The following RAP2A variants were observed in gnomAD, a reference collection of about 807,000 sequenced individuals.
The protein encoded by RAP2A is RAP2A, member of RAS oncogene family, also known as ras-related protein Rap-2a.
RAP2A carries 5 observed loss-of-function variants against 15.1 expected under a neutral mutation model. That is an observed-to-expected ratio of 0.33 (90% CI 0.17 to 0.70). RAP2A has a LOEUF of 0.70. Among genes scored for constraint, RAP2A ranks in the 30% least tolerant of loss-of-function variants. The probability of loss-of-function intolerance (pLI) is 0.68; values close to 1 mark genes in which losing one functional copy is unlikely to be tolerated. For synonymous variants in RAP2A, 110 were observed against 99.7 expected (o/e 1.10, Z -0.62); for missense variants, 111 against 240.3 (o/e 0.46, Z 3.56).
rs2066761724 is a variant in RAP2A at position 97,464,496 on chromosome 13, A to G, written c.*54A>G. On this transcript the variant is annotated 3_prime_UTR_variant, in exon 2 of 2. Transcript: ENST00000245304. The stretch of plus-strand genomic sequence containing the variant: ...TTTGCCCAATGTCGTAGGTGATAGA[A>G]AACTCGCCTACTCCACTGCAGAACT... 6.6e-6 allele frequency: 10 copies of G among 1,518,306 alleles called. No homozygotes were observed. In the East Asian group the frequency reaches 2.3e-4, roughly 34 times the overall value. The allele number at this position is 1,518,306 out of a possible 1,614,324, so 94.1% of individuals were successfully genotyped here.
At chr13:97,443,074 G>A (rs759673598) in intron 1 of RAP2A, among the ~76,000 whole-genome samples, 4 of 152,112 alleles carry the variant, frequency 2.6e-5, no homozygotes, top group Non-Finnish European at 5.9e-5. Context: ...ACATGAGTGC[G>A]GGATTATCTA....
intron 1 of RAP2A, among the ~76,000 whole-genome samples, chr13:97,439,894 TG>T (rs1566471304): frequency 6.6e-6 from 1 of 152,164 alleles, no homozygotes; most frequent in Non-Finnish European, 1.5e-5. Context: ...GTGAGTAAGT[TG>T]TTTTTTTTTA....
intron 1 of RAP2A, among the ~76,000 whole-genome samples, chr13:97,447,979 T>C (rs891725096): frequency 1.3e-5 from 2 of 152,096 alleles, no homozygotes; most frequent in Admixed American, 6.5e-5. Flanking sequence ...GGGTTTTTTT[T>C]TTTTTTCTTT....
chr13:97,456,415 T>C (rs954853802), intron 1 of RAP2A, among the ~76,000 whole-genome samples: 32 of 152,196 alleles, frequency 2.1e-4, no homozygotes, highest in Admixed American at 2.6e-4. Context: ...TGTCCTGAGT[T>C]TTTATTTGTA....
At chr13:97,441,968 CCATTT>C (rs553625803) in intron 1 of RAP2A, 204 of 199,476 alleles carry the variant, frequency 1.0e-3, no homozygotes, top group Middle Eastern at 9.6e-3. Flanking sequence ...TTATATATTG[CCATTT>C]CATTTGTTAC....
intron 1 of RAP2A, among the ~76,000 whole-genome samples, chr13:97,452,530 A>G (rs1344748313): frequency 6.6e-6 from 1 of 151,140 alleles, no homozygotes; most frequent in Non-Finnish European, 1.5e-5. Context: ...TATAGTAAGT[A>G]TTGATATCTG....
intron 1 of RAP2A, chr13:97,436,034 A>T (rs1425521838): frequency 1.3e-5 from 2 of 152,248 alleles, no homozygotes; most frequent in African/African-American, 4.8e-5. Context: ...CTATGAGATC[A>T]AAGAGAAGGC....
chr13:97,445,656 C>T (rs906799247), intron 1 of RAP2A, among the ~76,000 whole-genome samples: 67 of 152,290 alleles, frequency 4.4e-4, no homozygotes, highest in African/African-American at 1.6e-3. Context: ...GTAAACAGAG[C>T]ATTATCTCAA....
At chr13:97,458,762 T>G (rs1307575404) in intron 1 of RAP2A, among the ~76,000 whole-genome samples, 1 of 151,808 alleles carries the variant, frequency 6.6e-6, no homozygotes, top group Non-Finnish European at 1.5e-5. Context: ...ATCAGGACAG[T>G]TACAAGAAAG....
chr13:97,435,477 A>AC (rs2066629858), intron 1 of RAP2A, among the ~76,000 whole-genome samples: 1 of 149,090 alleles, frequency 6.7e-6, no homozygotes, highest in Non-Finnish European at 1.5e-5. Context: ...AAAAAAAAAA[A>AC]AAAAAAAAAA....
At chr13:97,462,437 T>G (rs2066751973) in intron 1 of RAP2A, among the ~76,000 whole-genome samples, 2 of 152,172 alleles carry the variant, frequency 1.3e-5, no homozygotes. Flanking sequence ...CATGGTGTTT[T>G]GTAATGCAGC....
At chr13:97,461,990 TTATA>T (rs1021192970) in intron 1 of RAP2A, among the ~76,000 whole-genome samples, 1 of 141,786 alleles carries the variant, frequency 7.1e-6, no homozygotes, top group Non-Finnish European at 1.5e-5. Context: ...ATATATATAT[TTATA>T]TATTTATATT....
chr13:97,449,361 T>A (rs2066692548), intron 1 of RAP2A, among the ~76,000 whole-genome samples: 2 of 152,162 alleles, frequency 1.3e-5, no homozygotes, highest in Admixed American at 1.3e-4. Context: ...GTGTCTTAGG[T>A]ATGAGTTACT....
rs11380177 is a variant in RAP2A, at chr13:97,467,677, C to CT, written c.*3246dup. On this transcript the variant is annotated 3_prime_UTR_variant, in exon 2 of 2. Coordinates refer to ENST00000245304, the MANE Select transcript of RAP2A (RefSeq NM_021033.7). The stretch of plus-strand genomic sequence containing the variant: ...ATCAAACATTAAGGACTATGGAGGT[C>CT]TTTTTTTTTTTATTTAACATGTCAT... 0.78 allele frequency: 115,771 copies of CT among 148,478 alleles called. 45,251 individuals are homozygous for CT. The highest frequency in any genetic ancestry group is 0.86 in the Middle Eastern group (246 of 286). 9.2% of individuals were successfully genotyped at this position (148,478 alleles called of 1,614,324 possible). A position where few individuals can be genotyped will look rare whatever the true frequency, so the allele number is the denominator to read the frequency against.
chr13:97,452,277 C>T (rs1315764490), intron 1 of RAP2A, among the ~76,000 whole-genome samples: 1 of 151,190 alleles, frequency 6.6e-6, no homozygotes, highest in African/African-American at 2.4e-5. Flanking sequence ...TTTCTATGAT[C>T]CATCTCTAAT....
intron 1 of RAP2A, among the ~76,000 whole-genome samples, chr13:97,454,466 T>G (rs1022504193): frequency 6.6e-6 from 1 of 151,200 alleles, no homozygotes; most frequent in African/African-American, 2.4e-5. Flanking sequence ...TTTAAATGGT[T>G]GTTGTAGGTA....
Position 97,466,199 on chromosome 13 carries a change from C to T in RAP2A, c.*1757C>T, listed in dbSNP as rs983474425. ...CAAGTGTTTAATAACTGGCATTAAGCTTAGAGGGTGAAAAAAAAAAAAAAG... is the reference window on the plus strand; with the variant it reads ...CAAGTGTTTAATAACTGGCATTAAGTTTAGAGGGTGAAAAAAAAAAAAAAG... On this transcript the variant is annotated 3_prime_UTR_variant, in exon 2 of 2. Coordinates refer to ENST00000245304, the MANE Select transcript of RAP2A (RefSeq NM_021033.7). 137 of 145,684 alleles carry T rather than the reference C, an allele frequency of 9.4e-4. 1 individual carries two copies. Among genetic ancestry groups the T allele is most frequent in the African/African-American group, 3.4e-3 (133 of 38,934 alleles). 9.0% of individuals were successfully genotyped at this position (145,684 alleles called of 1,614,324 possible). A position where few individuals can be genotyped will look rare whatever the true frequency, so the allele number is the denominator to read the frequency against.
At chr13:97,436,014 T>C (rs564560176) in intron 1 of RAP2A, 1 of 152,330 alleles carries the variant, frequency 6.6e-6, no homozygotes, top group Admixed American at 6.5e-5. Flanking sequence ...TAGTGAGTTT[T>C]TAATGCAACC....
chr13:97,454,393 C>A (rs1314571371), intron 1 of RAP2A, among the ~76,000 whole-genome samples: 1 of 151,000 alleles, frequency 6.6e-6, no homozygotes, highest in African/African-American at 2.4e-5. Flanking sequence ...TTTCTTCTCC[C>A]TCTTCTGCCT....
Sources: allele counts gnomAD v4.1 joint callset (sites outside exome capture counted in the v4.1 genomes callset), GRCh38; gene constraint gnomAD v4.1.1; transcripts MANE v1.5; gene names NCBI Gene and HGNC (gene_info 2026-07-23, HGNC 2026-07-21).